PCCA: variants seen among roughly 807,000 people sequenced by gnomAD.
The protein encoded by PCCA is propionyl-CoA carboxylase subunit alpha, also known as propionyl-CoA carboxylase alpha chain, mitochondrial.
PCCA carries 74 observed loss-of-function variants against 101.3 expected under a neutral mutation model. The observed-to-expected ratio is 0.73, with a 90% CI of 0.61 to 0.89. The LOEUF is 0.89. Ranked by LOEUF, PCCA falls within the 40% of genes least tolerant of loss-of-function variation. The pLI is 0.00. For missense variants in PCCA, 891 were observed against 907.0 expected (o/e 0.98, Z 0.23); for synonymous variants, 294 against 313.6 (o/e 0.94, Z 0.66).
At chr13:100,392,693 G>T (rs1254061251) in intron 19 of PCCA, among the ~76,000 whole-genome samples, 2 of 152,158 alleles carry the variant, frequency 1.3e-5, no homozygotes, top group Admixed American at 1.3e-4. Flanking sequence ...TTTCCTTGGG[G>T]CAGAGGAGGT....
At chr13:100,437,682 G>A (rs1362598844) in intron 20 of PCCA, among the ~76,000 whole-genome samples, 1 of 151,840 alleles carries the variant, frequency 6.6e-6, no homozygotes, top group Non-Finnish European at 1.5e-5. Flanking sequence ...TCTTTGTTTT[G>A]TTTTGTGTTT....
intron 20 of PCCA, among the ~76,000 whole-genome samples, chr13:100,446,320 G>A (rs979906370): frequency 6.6e-6 from 1 of 152,030 alleles, no homozygotes; most frequent in African/African-American, 2.4e-5. Context: ...ATGAGCCACC[G>A]CACCCTGCCC....
At chr13:100,392,863 C>T (rs1258775209) in intron 19 of PCCA, among the ~76,000 whole-genome samples, 1 of 152,144 alleles carries the variant, frequency 6.6e-6, no homozygotes, top group Non-Finnish European at 1.5e-5. Context: ...GGCAACTCCT[C>T]ACTTAACAGC....
intron 14 of PCCA, among the ~76,000 whole-genome samples, chr13:100,305,138 A>G (rs1394930682): frequency 6.6e-6 from 1 of 152,234 alleles, no homozygotes; most frequent in Non-Finnish European, 1.5e-5. Flanking sequence ...ATAGTAAATT[A>G]TAAAGCAGAG....
intron 16 of PCCA, among the ~76,000 whole-genome samples, chr13:100,327,824 C>T (rs769648114): frequency 7.2e-5 from 11 of 152,130 alleles, no homozygotes; most frequent in Non-Finnish European, 1.3e-4. Flanking sequence ...TTTTCCTATG[C>T]TTAGTGGACA....
At chr13:100,434,835 C>T (rs1242605398) in intron 20 of PCCA, among the ~76,000 whole-genome samples, 6 of 152,226 alleles carry the variant, frequency 3.9e-5, no homozygotes, top group African/African-American at 9.6e-5. Context: ...GTCGCTTTCA[C>T]GTAGCTTAAG....
chr13:100,437,795 A>C (rs894490389), intron 20 of PCCA, among the ~76,000 whole-genome samples: 1 of 152,124 alleles, frequency 6.6e-6, no homozygotes, highest in Admixed American at 6.5e-5. Context: ...CAGCCTCCCA[A>C]GTAGCTGGGA....
intron 4 of PCCA, among the ~76,000 whole-genome samples, chr13:100,132,286 T>TCCCTTGTGAGTCATTACCCCTCAGACC (rs2050610905): frequency 6.6e-6 from 1 of 151,986 alleles, no homozygotes; most frequent in African/African-American, 2.4e-5. Context: ...CCCCTCAGAC[T>TCCCTTGTGAGTCATTACCCCTCAGACC]CCCTTGTGAG....
intron 4 of PCCA, 53 bp from the exon 5 acceptor site, chr13:100,154,926 T>C (rs536685537): frequency 1.6e-5 from 18 of 1,131,496 alleles, no homozygotes; most frequent in African/African-American, 3.1e-5. Context: ...TTGCAGATGA[T>C]GGTAATTCTT....
intron 20 of PCCA, among the ~76,000 whole-genome samples, chr13:100,433,699 C>T (rs2079726589): frequency 6.6e-6 from 1 of 152,124 alleles, no homozygotes; most frequent in African/African-American, 2.4e-5. Flanking sequence ...CTCAGTTTGA[C>T]CTCACACTGA....
chr13:100,145,734 C>T (rs760228161), intron 4 of PCCA, among the ~76,000 whole-genome samples: 3 of 151,542 alleles, frequency 2.0e-5, no homozygotes, highest in African/African-American at 7.3e-5. Context: ...TGGTGACATA[C>T]ACCTGTAGTC....
chr13:100,443,797 C>T (rs2080559048), intron 20 of PCCA, among the ~76,000 whole-genome samples: 1 of 152,096 alleles, frequency 6.6e-6, no homozygotes, highest in Non-Finnish European at 1.5e-5. Context: ...TGTTTGCTCT[C>T]CACATCCTAA....
intron 18 of PCCA, among the ~76,000 whole-genome samples, chr13:100,359,332 C>T (rs2074317031): frequency 6.6e-6 from 1 of 151,898 alleles, no homozygotes; most frequent in African/African-American, 2.4e-5. Flanking sequence ...CCTGGAGATC[C>T]TAGCCAGTGC....
chr13:100,457,401 C>A (rs1045325756), intron 21 of PCCA, among the ~76,000 whole-genome samples: 5 of 152,060 alleles, frequency 3.3e-5, no homozygotes, highest in Admixed American at 6.6e-5. Context: ...ACAAATCAGC[C>A]TGCGACATTT....
At chr13:100,422,451 T>TA (rs1294530906) in intron 19 of PCCA, among the ~76,000 whole-genome samples, 5 of 152,220 alleles carry the variant, frequency 3.3e-5, no homozygotes, top group African/African-American at 1.2e-4. Context: ...ATTCTTTCTC[T>TA]AGCCTTAAAG....
rs193253130 is a variant in PCCA at position 100,382,985 on chromosome 13, G to A, written c.1746+14411G>A. On this transcript the variant is annotated intron_variant, in intron 19 of 23. Transcript: ENST00000376285. ...GAAAGAAGTTCCTCTTGGGGGAGAT[G>A]ACTGATGAGTCACAGCTTAGAACAT... Among the ~76,000 whole-genome samples, 63 of 152,210 alleles carry A rather than the reference G, an allele frequency of 4.1e-4. 1 individual carries two copies. Among genetic ancestry groups the A allele is most frequent in the Middle Eastern group, 3.4e-3 (1 of 294 alleles).
intron 6 of PCCA, among the ~76,000 whole-genome samples, chr13:100,174,293 G>C (rs1341326971): frequency 6.6e-6 from 1 of 151,802 alleles, no homozygotes; most frequent in African/African-American, 2.4e-5. Context: ...AGCCCTGAGG[G>C]TTCTAAAAAG....
chr13:100,101,212 T>A, intron 1 of PCCA, among the ~76,000 whole-genome samples: 1 of 152,198 alleles, frequency 6.6e-6, no homozygotes, highest in Non-Finnish European at 1.5e-5. Context: ...AACAATATCA[T>A]ATCTTTGAGT....
intron 6 of PCCA, among the ~76,000 whole-genome samples, chr13:100,162,410 TGA>T (rs34015838): frequency 0.35 from 53,653 of 151,828 alleles, 10,538 homozygotes; most frequent in East Asian, 0.71. Flanking sequence ...AGCTGGTAAA[TGA>T]GAGAGTATGG....
Sources: gnomAD v4.1 joint callset for allele counts (sites outside exome capture counted in the v4.1 genomes callset) on GRCh38, gnomAD v4.1.1 for gene constraint, MANE v1.5 for transcripts, NCBI Gene and HGNC (gene_info 2026-07-23, HGNC 2026-07-21) for gene names.